The following PKD1L1 variants were observed in gnomAD, a reference collection of about 807,000 sequenced individuals.
PKD1L1 encodes the protein polycystin-1-like protein 1.
A neutral mutation model predicts 323.4 loss-of-function variants in PKD1L1; 236 were observed. The ratio of observed to expected loss-of-function variants is 0.73; its 90% CI spans 0.66 to 0.81. The LOEUF is 0.81. Among genes scored for constraint, PKD1L1 ranks in the 40% least tolerant of loss-of-function variants. The pLI is 0.00. For missense variants in PKD1L1, 3,320 were observed against 3,508.0 expected, an observed-to-expected ratio of 0.95 and a Z score of 1.35; for synonymous variants, 1,344 against 1,335.0, an observed-to-expected ratio of 1.01 and a Z score of -0.15.
intron 45 of PKD1L1, among the ~76,000 whole-genome samples, chr7:47,824,596 G>A (rs190642992): frequency 6.6e-6 from 1 of 152,214 alleles, no homozygotes; most frequent in East Asian, 1.9e-4. Flanking sequence ...CTCCCCATAA[G>A]TAACTATTAT....
At chr7:47,881,283 C>G (rs1786548313) in intron 20 of PKD1L1, among the ~76,000 whole-genome samples, 1 of 151,904 alleles carries the variant, frequency 6.6e-6, no homozygotes, top group African/African-American at 2.4e-5. Flanking sequence ...TCACTACTTA[C>G]CCTGAAAAAA....
At chr7:47,882,737 C>A (rs1786591606) in intron 19 of PKD1L1, among the ~76,000 whole-genome samples, 1 of 152,100 alleles carries the variant, frequency 6.6e-6, no homozygotes, top group East Asian at 1.9e-4. Context: ...GAGGCATTGC[C>A]AGGGTCACAT....
At chr7:47,843,223 G>A in intron 33 of PKD1L1, 54 bp from the exon 34 acceptor site, 1 of 1,387,926 alleles carries the variant, frequency 7.2e-7, no homozygotes. Context: ...TAGACATATA[G>A]GAAAAGACTG....
intron 26 of PKD1L1, among the ~76,000 whole-genome samples, chr7:47,863,660 G>T (rs1786084875): frequency 6.6e-6 from 1 of 152,166 alleles, no homozygotes; most frequent in South Asian, 2.1e-4. Context: ...GCCAGATAGA[G>T]ATCTGCTGTG....
At chr7:47,902,638 G>T in intron 12 of PKD1L1, 127 bp from the exon 13 acceptor site, 1 of 1,168,334 alleles carries the variant, frequency 8.6e-7, no homozygotes, top group Non-Finnish European at 1.2e-6. Context: ...CCATGAATAA[G>T]AACAGAAGAG....
chr7:47,828,183 G>A (rs1398938623), intron 44 of PKD1L1, among the ~76,000 whole-genome samples: 1 of 152,162 alleles, frequency 6.6e-6, no homozygotes, highest in Non-Finnish European at 1.5e-5. Context: ...TCCGTGGGGA[G>A]GCTTGGGTGT....
At chr7:47,933,736 A>G (rs991368588) in intron 4 of PKD1L1, among the ~76,000 whole-genome samples, 1 of 152,126 alleles carries the variant, frequency 6.6e-6, no homozygotes, top group African/African-American at 2.4e-5. Flanking sequence ...TTTGTTGAAT[A>G]AATAAATAAA....
chr7:47,858,738 C>G lies in PKD1L1; in HGVS notation c.4297G>C (p.Glu1433Gln), dbSNP rs749229906. The G allele has an allele frequency of 1.2e-6, 2 of 1,614,030 alleles. No homozygotes were observed. Among genetic ancestry groups the G allele is most frequent in the Admixed American group, 1.7e-5 (1 of 60,000 alleles). The change falls in exon 27 of 57, where the codon GAA (glutamate) becomes CAA (glutamine). Residue 1433 changes from glutamate (E) to glutamine (Q), a missense_variant. Transcript: ENST00000289672. Reference sequence around the variant, plus strand: ...CGATAGACTTCCTCCTTCGAGTTTTCTTGCTCAGAGACTTCCCAGACTCTG... The same window carrying G: ...CGATAGACTTCCTCCTTCGAGTTTTGTTGCTCAGAGACTTCCCAGACTCTG... ...ISRVWEVSEQ[E>Q]NSKEEVYRHE... is the part of the protein sequence containing the mutation.
intron 56 of PKD1L1, among the ~76,000 whole-genome samples, chr7:47,780,747 T>C (rs1452690806): frequency 6.6e-6 from 1 of 152,182 alleles, no homozygotes. Context: ...GGATCAATAG[T>C]CTTTTTGTCT....
chr7:47,808,966 C>T (rs7789224), intron 51 of PKD1L1, among the ~76,000 whole-genome samples: 76,944 of 151,804 alleles, frequency 0.51, 20,172 homozygotes, highest in East Asian at 0.64. Context: ...TACTGTAACC[C>T]TTTTACTTAA....
intron 16 of PKD1L1, 110 bp from the exon 17 acceptor site, chr7:47,888,260 A>G: frequency 8.8e-7 from 1 of 1,140,744 alleles, no homozygotes; most frequent in Non-Finnish European, 1.2e-6. Context: ...ATCTTTATTA[A>G]GGGACTTCAA....
At chr7:47,889,941 T>C (rs1786772817) in intron 16 of PKD1L1, among the ~76,000 whole-genome samples, 1 of 152,194 alleles carries the variant, frequency 6.6e-6, no homozygotes. Flanking sequence ...GGGAAACAGC[T>C]GCAACTCACA....
chr7:47,801,854 T>G (rs1784669256), intron 53 of PKD1L1, among the ~76,000 whole-genome samples: 1 of 152,304 alleles, frequency 6.6e-6, no homozygotes, highest in East Asian at 1.9e-4. Flanking sequence ...GCTACTTAAT[T>G]TGGACACAAA....
chr7:47,842,198 C>T (rs990702938), intron 34 of PKD1L1, among the ~76,000 whole-genome samples: 5 of 152,130 alleles, frequency 3.3e-5, no homozygotes, highest in African/African-American at 9.7e-5. Flanking sequence ...ATCTGAAAGA[C>T]AATTTAAATA....
At chr7:47,922,566 C>T (rs1787569120) in intron 7 of PKD1L1, among the ~76,000 whole-genome samples, 1 of 152,004 alleles carries the variant, frequency 6.6e-6, no homozygotes, top group South Asian at 2.1e-4. Context: ...GGCCGCGACC[C>T]CGTCTGGGAA....
intron 52 of PKD1L1, among the ~76,000 whole-genome samples, chr7:47,807,130 G>A (rs751277113): frequency 3.3e-5 from 5 of 152,068 alleles, no homozygotes; most frequent in Non-Finnish European, 7.3e-5. Flanking sequence ...GCTTTGCCTT[G>A]CTTGTGCGAG....
intron 7 of PKD1L1, among the ~76,000 whole-genome samples, chr7:47,926,020 G>C (rs1024709985): frequency 6.6e-6 from 1 of 152,210 alleles, no homozygotes; most frequent in Admixed American, 6.5e-5. Context: ...CAACACTTTG[G>C]GAGGCTGAGG....
chr7:47,861,880 CAAAAAAAAAAA>C (rs60918464), intron 26 of PKD1L1, among the ~76,000 whole-genome samples: 3 of 43,918 alleles, frequency 6.8e-5, no homozygotes, highest in South Asian at 1.8e-3. Context: ...GACTCTGTCT[CAAAAAAAAAAA>C]AAAAAAAAAA....
intron 26 of PKD1L1, among the ~76,000 whole-genome samples, chr7:47,859,738 GC>G (rs1156943624): frequency 6.7e-6 from 1 of 150,134 alleles, no homozygotes; most frequent in African/African-American, 2.5e-5. Flanking sequence ...GCAATTCTCT[GC>G]CTCAGCCTCC....
Sources: allele counts gnomAD v4.1 joint callset (sites outside exome capture counted in the v4.1 genomes callset), GRCh38; gene constraint gnomAD v4.1.1; transcripts MANE v1.5; gene names NCBI Gene and HGNC (gene_info 2026-07-23, HGNC 2026-07-21).